GLCCI1: variants seen among roughly 807,000 people sequenced by gnomAD.
GLCCI1 encodes glucocorticoid induced 1.
Under a neutral mutation model 52.2 loss-of-function variants are expected in GLCCI1, and 24 were observed. The ratio of observed to expected loss-of-function variants is 0.46; its 90% CI spans 0.33 to 0.65. The LOEUF (loss-of-function observed/expected upper bound fraction) is 0.65, where lower values mean the gene tolerates loss of function less well. Ranked by LOEUF, GLCCI1 falls within the 30% of genes least tolerant of loss-of-function variation. The pLI, the probability that GLCCI1 is intolerant of heterozygous loss-of-function variation, is 0.02. For synonymous variants in GLCCI1, 310 were observed against 276.5 expected, an observed-to-expected ratio of 1.12 and a Z score of -1.20; for missense variants, 704 against 701.5, an observed-to-expected ratio of 1.00 and a Z score of -0.04.
intron 3 of GLCCI1, among the ~76,000 whole-genome samples, chr7:8,032,644 G>A (rs1056434925): frequency 2.0e-5 from 3 of 151,908 alleles, no homozygotes; most frequent in Admixed American, 6.6e-5. Context: ...AAACTGAGAT[G>A]AAATGGACAA....
At chr7:8,064,974 C>A (rs531965004) in intron 5 of GLCCI1, among the ~76,000 whole-genome samples, 2 of 152,144 alleles carry the variant, frequency 1.3e-5, no homozygotes, top group Admixed American at 1.3e-4. Context: ...CCTCGGCCCC[C>A]CTAAAGTGCT....
At chr7:8,038,038 G>A (rs990634565) in intron 3 of GLCCI1, among the ~76,000 whole-genome samples, 2 of 152,160 alleles carry the variant, frequency 1.3e-5, no homozygotes, top group Non-Finnish European at 2.9e-5. Context: ...TAGATCAAAT[G>A]GACCTGGTAG....
At chr7:8,072,955 GGTTTCTGTA>G (rs1293574503) in intron 6 of GLCCI1, among the ~76,000 whole-genome samples, 6 of 152,068 alleles carry the variant, frequency 3.9e-5, no homozygotes, top group Admixed American at 3.9e-4. Context: ...AGTGAATAGT[GGTTTCTGTA>G]GTTCACAGGT....
intron 2 of GLCCI1, among the ~76,000 whole-genome samples, chr7:8,009,030 C>T (rs1007236938): frequency 6.6e-5 from 10 of 151,984 alleles, no homozygotes; most frequent in African/African-American, 1.2e-4. Context: ...TAGTAATACC[C>T]GATTTGCACA....
intron 5 of GLCCI1, among the ~76,000 whole-genome samples, chr7:8,067,235 T>C (rs1782648474): frequency 1.3e-5 from 2 of 152,098 alleles, no homozygotes; most frequent in Admixed American, 6.5e-5. Flanking sequence ...GGTTGGTAGA[T>C]TTTTCTCCAT....
intron 3 of GLCCI1, among the ~76,000 whole-genome samples, chr7:8,028,173 C>T (rs115009519): frequency 0.021 from 3,144 of 152,260 alleles, 107 homozygotes; most frequent in African/African-American, 0.071. Flanking sequence ...TCCTCCTCAG[C>T]ACATGGATCA....
At chr7:8,028,410 C>G (rs564714577) in intron 3 of GLCCI1, among the ~76,000 whole-genome samples, 1 of 151,970 alleles carries the variant, frequency 6.6e-6, no homozygotes, top group African/African-American at 2.4e-5. Context: ...CTTCTTGAAA[C>G]AAATGATAAT....
At chr7:8,004,952 C>G (rs979849165) in intron 2 of GLCCI1, among the ~76,000 whole-genome samples, 1 of 152,168 alleles carries the variant, frequency 6.6e-6, no homozygotes, top group African/African-American at 2.4e-5. Context: ...CAGGTTTTGT[C>G]ATTTTCTCAG....
chr7:8,010,810 T>C (rs1781248528), intron 2 of GLCCI1, among the ~76,000 whole-genome samples: 1 of 152,204 alleles, frequency 6.6e-6, no homozygotes, highest in Admixed American at 6.5e-5. Flanking sequence ...AAATATATTG[T>C]TTAGACATAT....
At chr7:8,006,250 T>A (rs1167086158) in intron 2 of GLCCI1, among the ~76,000 whole-genome samples, 2 of 152,186 alleles carry the variant, frequency 1.3e-5, no homozygotes, top group Non-Finnish European at 2.9e-5. Flanking sequence ...GTTGACAGTA[T>A]CAGATGCTAA....
intron 2 of GLCCI1, among the ~76,000 whole-genome samples, chr7:8,010,380 C>T (rs1346634632): frequency 6.6e-6 from 1 of 152,054 alleles, no homozygotes; most frequent in East Asian, 1.9e-4. Flanking sequence ...TTATATATAA[C>T]TTGTAAAAGA....
intron 3 of GLCCI1, among the ~76,000 whole-genome samples, chr7:8,053,354 C>T (rs1297043224): frequency 1.4e-5 from 2 of 138,594 alleles, no homozygotes; most frequent in African/African-American, 2.7e-5. Flanking sequence ...GAGACAGTCT[C>T]GCACTGTCGC....
At chr7:7,983,543 T>C (rs534846067) in intron 1 of GLCCI1, among the ~76,000 whole-genome samples, 1 of 152,334 alleles carries the variant, frequency 6.6e-6, no homozygotes, top group African/African-American at 2.4e-5. Context: ...TAATAGCATG[T>C]CATTTTTAGT....
intron 6 of GLCCI1, among the ~76,000 whole-genome samples, chr7:8,071,705 G>T (rs1322147188): frequency 6.6e-6 from 1 of 152,032 alleles, no homozygotes; most frequent in Non-Finnish European, 1.5e-5. Flanking sequence ...CTATCCTTGT[G>T]TCTACTTGTG....
intron 5 of GLCCI1, among the ~76,000 whole-genome samples, chr7:8,069,612 A>T (rs961240519): frequency 2.0e-5 from 3 of 152,016 alleles, no homozygotes; most frequent in Non-Finnish European, 4.4e-5. Flanking sequence ...CTGTATGGTG[A>T]GTATGTCATG....
At chr7:8,017,473 A>T (rs1334758629) in intron 2 of GLCCI1, among the ~76,000 whole-genome samples, 1 of 152,124 alleles carries the variant, frequency 6.6e-6, no homozygotes, top group East Asian at 1.9e-4. Flanking sequence ...AAAAAATAAG[A>T]AGTATATTTC....
intron 6 of GLCCI1, among the ~76,000 whole-genome samples, chr7:8,081,544 G>T (rs1466704723): frequency 2.0e-5 from 3 of 152,096 alleles, no homozygotes; most frequent in Non-Finnish European, 4.4e-5. Context: ...TCAATGGTAT[G>T]CTCAAATGTA....
At chr7:7,990,740 A>C (rs1780823996) in intron 1 of GLCCI1, among the ~76,000 whole-genome samples, 1 of 152,100 alleles carries the variant, frequency 6.6e-6, no homozygotes, top group African/African-American at 2.4e-5. Context: ...AATTTTGGAT[A>C]AGCTACTGCT....
chr7:8,041,945 C>G (rs1030652182), intron 3 of GLCCI1, among the ~76,000 whole-genome samples: 1 of 152,074 alleles, frequency 6.6e-6, no homozygotes, highest in Non-Finnish European at 1.5e-5. Context: ...TCCTGGGGAT[C>G]TTAAAAATTA....
Sources: gnomAD v4.1 joint callset for allele counts (sites outside exome capture counted in the v4.1 genomes callset) on GRCh38, gnomAD v4.1.1 for gene constraint, MANE v1.5 for transcripts, NCBI Gene and HGNC (gene_info 2026-07-23, HGNC 2026-07-21) for gene names.